The following GFI1 variants were observed in gnomAD, a reference collection of about 807,000 sequenced individuals.
GFI1 encodes the protein zinc finger protein Gfi-1.
Under a neutral mutation model 39.2 loss-of-function variants are expected in GFI1, and 15 were observed. The observed-to-expected ratio is 0.38, with a 90% CI of 0.26 to 0.59. The LOEUF is 0.59. GFI1 is among the 20% of genes least tolerant of loss of function. The pLI, the probability that GFI1 is intolerant of heterozygous loss-of-function variation, is 0.62. For synonymous variants in GFI1, 239 were observed against 254.3 expected (o/e 0.94, Z 0.57); for missense variants, 475 against 574.0 (o/e 0.83, Z 1.76).
rs962716864 is a variant in GFI1 at position 92,481,751 on chromosome 1, A to G, written c.299-663T>C. ...TTAAATTGACAGCCAAATACTCCCC[A>G]TTCCTGTTACAGTTTGATGGAGGCG... On this transcript the variant is annotated intron_variant, in intron 3 of 6. Transcript: ENST00000294702. This position sits in a 1 kb window ranked among gnomAD's most constrained non-coding sequence, Gnocchi z 4.3. 1.3e-5 allele frequency among the ~76,000 whole-genome samples: 2 copies of G among 152,176 alleles called. No individual in the cohort carries two copies. Among genetic ancestry groups the G allele is most frequent in the Non-Finnish European group, 2.9e-5 (2 of 68,034 alleles).
rs1170542993 is a variant in GFI1 at position 92,476,019 on chromosome 1, G to T, written c.*10C>A. On this transcript the variant is annotated 3_prime_UTR_variant, in exon 7 of 7. Coordinates refer to ENST00000294702, the MANE Select transcript of GFI1 (RefSeq NM_005263.5). ...GTTGTGTAGCTGCTGCTTGCAGCCAGCCAGGGTGCTCATTTGAGCCCATGC... is the reference window on the plus strand; with the variant it reads ...GTTGTGTAGCTGCTGCTTGCAGCCATCCAGGGTGCTCATTTGAGCCCATGC... 12 of 1,613,202 alleles carry T rather than the reference G, an allele frequency of 7.4e-6. No individual in the cohort carries two copies. Among genetic ancestry groups the T allele is most frequent in the Non-Finnish European group, 1.0e-5 (12 of 1,179,538 alleles).
At chr1:92,485,188 C>T (rs534831696) in intron 1 of GFI1, among the ~76,000 whole-genome samples, 1 of 152,306 alleles carries the variant, frequency 6.6e-6, no homozygotes, top group African/African-American at 2.4e-5. Context: ...CAGAATGCCC[C>T]TAGGGGTGAG....
In GFI1 at chr1:92,480,544, G is replaced by T. The variant is rs1316355451; in HGVS notation, c.786+57C>A. 25 of 1,544,982 alleles carry T rather than the reference G, an allele frequency of 1.6e-5. No homozygotes were observed. The highest frequency in any genetic ancestry group is 2.2e-5 in the Non-Finnish European group (25 of 1,145,570). ...AGAGGGGCCGCGGGGCGCAGGCGAG[G>T]CGCGGGTAGGGGAAGCGGGCGCACG... On this transcript the variant is annotated intron_variant, in intron 4 of 6. Coordinates refer to ENST00000294702, the MANE Select transcript of GFI1 (RefSeq NM_005263.5). The surrounding 1 kb of genome is among the most constrained non-coding windows in gnomAD (Gnocchi z 5.6).
At chr1:92,485,540 T>C (rs530369245) in intron 1 of GFI1, among the ~76,000 whole-genome samples, 1 of 152,002 alleles carries the variant, frequency 6.6e-6, no homozygotes, top group South Asian at 2.1e-4. Context: ...TGCTGGTTCC[T>C]GTGGGGAGCG....
At position 92,483,354 on chromosome 1, in the gene GFI1, G is replaced by GCC; in HGVS notation, c.115+17_115+18dup. The stretch of plus-strand genomic sequence containing the variant: ...GCATCCGGGGGAGCAGCCCCGCCTG[G>GCC]CCCGCGCGCGCCTCGCACCTGCTCG... On this transcript the variant is annotated intron_variant, in intron 2 of 6. Transcript: ENST00000294702. The GCC allele has an allele frequency of 7.1e-7, 1 of 1,402,808 alleles. No homozygotes were observed. Among genetic ancestry groups the GCC allele is most frequent in the East Asian group, 2.3e-5 (1 of 43,714 alleles). 86.9% of individuals were successfully genotyped at this position (1,402,808 alleles called of 1,614,324 possible). A position where few individuals can be genotyped will look rare whatever the true frequency, so the allele number is the denominator to read the frequency against.
intron 6 of GFI1, among the ~76,000 whole-genome samples, chr1:92,477,075 A>G (rs1658013720): frequency 1.3e-5 from 2 of 152,202 alleles, no homozygotes; most frequent in Admixed American, 1.3e-4. Context: ...CAGCCTTGGA[A>G]AAAGTATAAA....
rs1657828034 is a variant in GFI1 at position 92,473,719 on chromosome 1, ATC to A, written c.*2308_*2309del. ...TATTTGTTTCCCAGGCTGTCAAGCA[ATC>A]TCTCTTCCCTTTGTGCTGTAGAGAG... On this transcript the variant is annotated 3_prime_UTR_variant, in exon 7 of 7. Coordinates refer to ENST00000294702, the MANE Select transcript of GFI1 (RefSeq NM_005263.5). Among the ~76,000 whole-genome samples, 1 of 152,158 alleles carries A rather than the reference ATC, an allele frequency of 6.6e-6. No individual in the cohort carries two copies. The highest frequency in any genetic ancestry group is 1.5e-5 in the Non-Finnish European group (1 of 68,014).
intron 1 of GFI1, among the ~76,000 whole-genome samples, chr1:92,485,421 C>T (rs1223479154): frequency 1.3e-5 from 2 of 152,236 alleles, no homozygotes; most frequent in Non-Finnish European, 2.9e-5. Flanking sequence ...GGGTAACTGT[C>T]AGCGCCGGAG....
Position 92,484,123 on chromosome 1 carries a change from A to G in GFI1, c.-99-537T>C, listed in dbSNP as rs371936474. ...AGTGAAAGGACCGGGGGGAGGGGGG[A>G]ACAGAACACAAGATAAAACTGTGGG... On this transcript the variant is annotated intron_variant, in intron 1 of 6. Transcript: ENST00000294702. This position sits in a 1 kb window ranked among gnomAD's most constrained non-coding sequence, Gnocchi z 4.1. 5.3e-4 allele frequency among the ~76,000 whole-genome samples: 80 copies of G among 152,098 alleles called. 1 individual carries two copies. The East Asian group carries it at 0.013, about 25-fold the overall frequency.
chr1:92,481,211 C>A lies in GFI1; in HGVS notation c.299-123G>T, dbSNP rs1475990787. Reference sequence around the variant, plus strand: ...GGCACCCAGCGCTTGTAGAACACTGCGTGCGCCAGGTGCCAGGCTCGCCCC... The same window carrying A: ...GGCACCCAGCGCTTGTAGAACACTGAGTGCGCCAGGTGCCAGGCTCGCCCC... On this transcript the variant is annotated intron_variant, in intron 3 of 6. Transcript: ENST00000294702. This position sits in a 1 kb window ranked among gnomAD's most constrained non-coding sequence, Gnocchi z 4.3. 3.4e-6 allele frequency: 3 copies of A among 888,820 alleles called. No individual in the cohort carries two copies. The highest frequency in any genetic ancestry group is 2.0e-5 in the Admixed American group (1 of 49,504). 55.1% of individuals were successfully genotyped at this position (888,820 alleles called of 1,614,324 possible).
At chr1:92,486,364 C>T (rs998282218) in intron 1 of GFI1, among the ~76,000 whole-genome samples, 2 of 152,164 alleles carry the variant, frequency 1.3e-5, no homozygotes, top group African/African-American at 4.8e-5. Flanking sequence ...GACACTTAGG[C>T]ACTAGAAATG....
rs371768563 is a variant in GFI1 at position 92,485,192 on chromosome 1, G to A, written c.-100+1534C>T. Among the ~76,000 whole-genome samples, 7 of 152,336 alleles carry A rather than the reference G, an allele frequency of 4.6e-5. No individual in the cohort carries two copies. The East Asian group carries it at 5.8e-4, about 13-fold the overall frequency. On this transcript the variant is annotated intron_variant, in intron 1 of 6. Transcript: ENST00000294702. Reference sequence around the variant, plus strand: ...TACCCAAGCGCCAGAATGCCCCTAGGGGTGAGAGTGCCATCCGCCTCCCTC... The same window carrying A: ...TACCCAAGCGCCAGAATGCCCCTAGAGGTGAGAGTGCCATCCGCCTCCCTC...
chr1:92,479,118 G>A (rs937071579), intron 5 of GFI1, among the ~76,000 whole-genome samples: 11 of 152,138 alleles, frequency 7.2e-5, no homozygotes, highest in Admixed American at 6.5e-4. Flanking sequence ...CGCCCACCTC[G>A]GCCTCTCAAA....
In GFI1 at chr1:92,479,067, T is replaced by C. The variant is rs148423194; in HGVS notation, c.925-314A>G. Reference sequence around the variant, plus strand: ...TTTTAGTAGAGATGGGGTTTCACCATGTTGGTCAGGCTGGTCTCAAACACC... The same window carrying C: ...TTTTAGTAGAGATGGGGTTTCACCACGTTGGTCAGGCTGGTCTCAAACACC... On this transcript the variant is annotated intron_variant, in intron 5 of 6. Coordinates refer to ENST00000294702, the MANE Select transcript of GFI1 (RefSeq NM_005263.5). Among the ~76,000 whole-genome samples the C allele has an allele frequency of 1.3e-4, 20 of 152,318 alleles. No homozygotes were observed. In the East Asian group the frequency reaches 3.9e-3, roughly 29 times the overall value.
Position 92,480,734 on chromosome 1 carries a change from G to A in GFI1, c.653C>T (p.Ala218Val). Reference sequence around the variant, plus strand: ...GCCACGCTCGGGGTACAGCAAGCCCGCCGCTGCCGTGGGCCTCTCATACAG... The same window carrying A: ...GCCACGCTCGGGGTACAGCAAGCCCACCGCTGCCGTGGGCCTCTCATACAG... ...AGLYERPTAA[A>V]GLLYPERGHG... Residue 218 changes from alanine (A) to valine (V), a missense_variant, in exon 4 of 7, where the codon GCG (alanine) becomes GTG (valine). By Grantham distance (64) the Ala-to-Val change is moderately conservative (BLOSUM62 0). Coordinates refer to ENST00000294702, the MANE Select transcript of GFI1 (RefSeq NM_005263.5). This position sits in a 1 kb window ranked among gnomAD's most constrained non-coding sequence, Gnocchi z 5.6. 6.3e-7 allele frequency: 1 copy of A among 1,599,010 alleles called. No individual in the cohort carries two copies. Among genetic ancestry groups the A allele is most frequent in the Non-Finnish European group, 8.5e-7 (1 of 1,178,408 alleles).
chr1:92,479,436 C>T (rs1308034007), intron 5 of GFI1, among the ~76,000 whole-genome samples: 2 of 152,170 alleles, frequency 1.3e-5, no homozygotes, highest in Admixed American at 6.5e-5. Context: ...ATCTACTCTC[C>T]ATCTCTCAGC....
In GFI1 at chr1:92,481,224, C is replaced by A; in HGVS notation, c.299-136G>T. ...TGTAGAACACTGCGTGCGCCAGGTGCCAGGCTCGCCCCAGGGTAAAACGTG... is the reference window on the plus strand; with the variant it reads ...TGTAGAACACTGCGTGCGCCAGGTGACAGGCTCGCCCCAGGGTAAAACGTG... On this transcript the variant is annotated intron_variant, in intron 3 of 6. Coordinates refer to ENST00000294702, the MANE Select transcript of GFI1 (RefSeq NM_005263.5). This position sits in a 1 kb window ranked among gnomAD's most constrained non-coding sequence, Gnocchi z 4.3. 1.3e-6 allele frequency: 1 copy of A among 799,958 alleles called. No individual in the cohort carries two copies. 49.6% of individuals were successfully genotyped at this position (799,958 alleles called of 1,614,324 possible). A position where few individuals can be genotyped will look rare whatever the true frequency, so the allele number is the denominator to read the frequency against.
At chr1:92,486,240 A>G (rs1436146615) in intron 1 of GFI1, among the ~76,000 whole-genome samples, 1 of 152,136 alleles carries the variant, frequency 6.6e-6, no homozygotes, top group Non-Finnish European at 1.5e-5. Flanking sequence ...TCCTTTGCGC[A>G]AGTGGCCAGG....
rs746286867 is a variant in GFI1, at chr1:92,484,118, G to A, written c.-99-532C>T. On this transcript the variant is annotated intron_variant, in intron 1 of 6. Transcript: ENST00000294702. This position sits in a 1 kb window ranked among gnomAD's most constrained non-coding sequence, Gnocchi z 4.1. The stretch of plus-strand genomic sequence containing the variant: ...ACTGGAGTGAAAGGACCGGGGGGAG[G>A]GGGGAACAGAACACAAGATAAAACT... 2.1e-4 allele frequency among the ~76,000 whole-genome samples: 32 copies of A among 152,298 alleles called. No individual in the cohort carries two copies. Among genetic ancestry groups the A allele is most frequent in the East Asian group, 3.9e-4 (2 of 5,184 alleles).
Sources: gnomAD v4.1 joint callset for allele counts (sites outside exome capture counted in the v4.1 genomes callset) on GRCh38, gnomAD v4.1.1 for gene constraint, Gnocchi (gnomAD v3.1) non-coding constraint, MANE v1.5 for transcripts, NCBI Gene and HGNC (gene_info 2026-07-23, HGNC 2026-07-21) for gene names.